The following RABGEF1 variants were observed in gnomAD, a reference collection of about 807,000 sequenced individuals.
RABGEF1 encodes the protein RAB guanine nucleotide exchange factor 1, also known as rab5 GDP/GTP exchange factor.
Under a neutral mutation model 57.3 loss-of-function variants are expected in RABGEF1, and 26 were observed. The ratio of observed to expected loss-of-function variants is 0.45; its 90% CI spans 0.33 to 0.63. The LOEUF (loss-of-function observed/expected upper bound fraction) is 0.63, where lower values mean the gene tolerates loss of function less well. Among genes scored for constraint, RABGEF1 ranks in the 20% least tolerant of loss-of-function variants. The pLI is 0.02. For missense variants in RABGEF1, 464 were observed against 607.6 expected, an observed-to-expected ratio of 0.76 and a Z score of 2.48; for synonymous variants, 185 against 210.7, an observed-to-expected ratio of 0.88 and a Z score of 1.06.
intron 4 of RABGEF1, among the ~76,000 whole-genome samples, chr7:66,786,946 A>C (rs534536346): frequency 2.0e-5 from 3 of 152,230 alleles, no homozygotes; most frequent in Non-Finnish European, 4.4e-5. Context: ...CTTACAAATC[A>C]TCATAGCAAG....
chr7:66,782,368 G>A (rs1186554219), intron 3 of RABGEF1, among the ~76,000 whole-genome samples: 2 of 151,058 alleles, frequency 1.3e-5, no homozygotes, highest in African/African-American at 4.9e-5. Flanking sequence ...AGTTTCTTGT[G>A]TATCCTTTTG....
chr7:66,756,098 A>T, intron 1 of RABGEF1: 1 of 1,391,990 alleles, frequency 7.2e-7, no homozygotes, highest in Non-Finnish European at 9.6e-7. Context: ...AAAGATATAT[A>T]AGAAGAATAT....
Position 66,714,652 on chromosome 7 carries a change from A to C in RABGEF1, c.-815+2428A>C, listed in dbSNP as rs367972683. On this transcript the variant is annotated intron_variant and NMD_transcript_variant, in intron 2 of 9. Transcript: ENST00000607882. ...TTATAGTTTCTTAAAACAGAAATTT[A>C]GGGCCAGGCGCAGTGGCTCATGCCT... Among the ~76,000 whole-genome samples, 8 of 152,270 alleles carry C rather than the reference A, an allele frequency of 5.3e-5. No individual in the cohort carries two copies. The East Asian group carries it at 1.5e-3, about 29-fold the overall frequency.
At chr7:66,802,453 A>G (rs1446565022) in intron 7 of RABGEF1, among the ~76,000 whole-genome samples, 2 of 152,180 alleles carry the variant, frequency 1.3e-5, no homozygotes, top group Non-Finnish European at 2.9e-5. Context: ...TGTGTTTCCT[A>G]TTCATGTGAA....
intron 1 of RABGEF1, among the ~76,000 whole-genome samples, chr7:66,691,237 CT>C (rs1791469392): frequency 6.6e-6 from 1 of 152,164 alleles, no homozygotes; most frequent in South Asian, 2.1e-4. Flanking sequence ...AGTTGTACAC[CT>C]CCCATACCGT....
At chr7:66,725,216 C>T (rs1199481389) in intron 2 of RABGEF1, among the ~76,000 whole-genome samples, 1 of 152,008 alleles carries the variant, frequency 6.6e-6, no homozygotes, top group Non-Finnish European at 1.5e-5. Flanking sequence ...TTTACTTTAC[C>T]ATACAATTCA....
chr7:66,745,844 C>CA (rs1460265242), intron 1 of RABGEF1, among the ~76,000 whole-genome samples: 2 of 151,612 alleles, frequency 1.3e-5, no homozygotes, highest in East Asian at 3.9e-4. Context: ...CCTATAATAC[C>CA]AGTGCTTTGG....
At chr7:66,667,955 GC>G in the RABGEF1 span, among the ~76,000 whole-genome samples, 1 of 151,952 alleles carries the variant, frequency 6.6e-6, no homozygotes, top group Admixed American at 6.6e-5. Flanking sequence ...ATGCCACCAC[GC>G]CTGGCTGATT....
intron 5 of RABGEF1, among the ~76,000 whole-genome samples, chr7:66,796,316 T>C: frequency 6.6e-6 from 1 of 152,202 alleles, no homozygotes; most frequent in East Asian, 1.9e-4. Context: ...AGGATATACT[T>C]AGCACATGTG....
chr7:66,657,765 G>C, the RABGEF1 span, among the ~76,000 whole-genome samples: 1 of 152,152 alleles, frequency 6.6e-6, no homozygotes, highest in Admixed American at 6.5e-5. Flanking sequence ...AGGTTGCAGT[G>C]AGCCGAGATA....
At chr7:66,681,281 ATAT>A (rs770867651), upstream of RABGEF1, among the ~76,000 whole-genome samples, 31 of 152,164 alleles carry the variant, frequency 2.0e-4, no homozygotes, top group Non-Finnish European at 4.3e-4. Flanking sequence ...ACTGTTTTTA[ATAT>A]TCCTTACATG....
chr7:66,752,284 C>T (rs1463981610), intron 1 of RABGEF1, among the ~76,000 whole-genome samples: 2 of 152,044 alleles, frequency 1.3e-5, no homozygotes, highest in Admixed American at 1.3e-4. Flanking sequence ...ACAACAAGGT[C>T]AGGAGTTCGA....
In RABGEF1 at chr7:66,808,904, A is replaced by G. The variant is rs751129673; in HGVS notation, c.1096A>G (p.Ile366Val). The change falls in exon 9 of 9, where the codon ATT becomes GTT. Residue 366 changes from isoleucine (I) to valine (V), a missense_variant. Physicochemically the swap from Ile to Val is conservative, Grantham distance 29 (BLOSUM62 3). Around this residue, in one of 4 missense-constraint regions of RABGEF1, gnomAD observed 151 missense variants for 152.2 expected, o/e 0.99. Coordinates refer to ENST00000284957, the MANE Select transcript of RABGEF1 (RefSeq NM_014504.3). ...CTTGTAGTGCTGTGCTGTGGCTTTC[A>G]TTGAGAAGCTAGACGCCCAGTCTTT... is the stretch of plus-strand genomic sequence containing the variant. ...FTNLCCAVAF[I>V]EKLDAQSLNL... is the part of the protein sequence containing the mutation. The G allele has an allele frequency of 1.2e-6, 2 of 1,603,718 alleles. No individual in the cohort carries two copies. Among genetic ancestry groups the G allele is most frequent in the Non-Finnish European group, 1.7e-6 (2 of 1,171,292 alleles).
chr7:66,666,856 G>C, the RABGEF1 span, among the ~76,000 whole-genome samples: 405 of 152,318 alleles, frequency 2.7e-3, 2 homozygotes, highest in African/African-American at 9.2e-3. Flanking sequence ...GCAGAAATTT[G>C]CAGGGGCAGG....
chr7:66,803,349 C>T (rs1465187917), intron 7 of RABGEF1, among the ~76,000 whole-genome samples: 2 of 152,192 alleles, frequency 1.3e-5, no homozygotes, highest in African/African-American at 4.8e-5. Context: ...TATACCCCAC[C>T]GCCTGGCCAG....
At position 66,805,249 on chromosome 7, in the gene RABGEF1, G is replaced by A. The variant is rs768684424; in HGVS notation, c.930G>A (p.Ala310=). The stretch of plus-strand genomic sequence containing the variant: ...TCAAGATCACCAAGAATGAGCCGGC[G>A]TCAGCGGATGACTTCCTCCCCACCC... ...NAIKITKNEP[A]SADDFLPTLI... is the part of the protein sequence containing the mutation. Residue 310 remains alanine (A), a synonymous_variant, in exon 8 of 9, where the codon GCG becomes GCA. Transcript: ENST00000284957. 15 of 1,614,064 alleles carry A rather than the reference G, an allele frequency of 9.3e-6. No homozygotes were observed. The highest frequency in any genetic ancestry group is 3.3e-5 in the Admixed American group (2 of 60,000).
intron 1 of RABGEF1, among the ~76,000 whole-genome samples, chr7:66,764,695 G>A (rs529603258): frequency 1.2e-4 from 19 of 152,148 alleles, no homozygotes; most frequent in African/African-American, 4.1e-4. Context: ...CAATTTTCCC[G>A]GCACTATTTG....
intron 2 of RABGEF1, among the ~76,000 whole-genome samples, chr7:66,719,085 G>A (rs923704438): frequency 6.6e-6 from 1 of 152,218 alleles, no homozygotes; most frequent in Non-Finnish European, 1.5e-5. Context: ...GCATTTGGTG[G>A]TTACCCAACT....
chr7:66,699,552 C>G (rs554941597), intron 1 of RABGEF1, among the ~76,000 whole-genome samples: 4 of 152,088 alleles, frequency 2.6e-5, no homozygotes, highest in African/African-American at 9.7e-5. Flanking sequence ...ATTAGCCGAG[C>G]GTCGTGGCAG....
Sources: allele counts gnomAD v4.1 joint callset (sites outside exome capture counted in the v4.1 genomes callset), GRCh38; gene constraint gnomAD v4.1.1; regional missense constraint gnomAD v4.1.1; transcripts MANE v1.5; gene names NCBI Gene and HGNC (gene_info 2026-07-23, HGNC 2026-07-21).